Variants in SLC25A21 observed in about 807,000 individuals in gnomAD.
The protein encoded by SLC25A21 is mitochondrial 2-oxodicarboxylate carrier.
A neutral mutation model predicts 43.8 loss-of-function variants in SLC25A21; 47 were observed. The observed-to-expected ratio is 1.07, with a 90% confidence interval of 0.85 to 1.37. The LOEUF (loss-of-function observed/expected upper bound fraction) is 1.37, where lower values mean the gene tolerates loss of function less well. Among genes scored for constraint, SLC25A21 ranks in the 40% most tolerant of loss-of-function variants. The pLI, the probability that SLC25A21 is intolerant of heterozygous loss-of-function variation, is 0.00. For synonymous variants in SLC25A21, 131 were observed against 121.3 expected (o/e 1.08, Z -0.52); for missense variants, 352 against 350.2 (o/e 1.00, Z -0.04).
intron 3 of SLC25A21, among the ~76,000 whole-genome samples, chr14:36,770,826 C>A (rs1393695929): frequency 6.6e-6 from 1 of 152,178 alleles, no homozygotes; most frequent in African/African-American, 2.4e-5. Flanking sequence ...TGTGTATAAT[C>A]AGTCTTAAAA....
chr14:36,714,816 C>T (rs1884053674), intron 6 of SLC25A21, among the ~76,000 whole-genome samples: 1 of 152,152 alleles, frequency 6.6e-6, no homozygotes, highest in Non-Finnish European at 1.5e-5. Context: ...AAGTTACTCA[C>T]CCAAGATTAC....
intron 7 of SLC25A21, among the ~76,000 whole-genome samples, chr14:36,710,440 GAA>G (rs1193618492): frequency 1.3e-4 from 19 of 151,796 alleles, no homozygotes; most frequent in Middle Eastern, 3.4e-3. Context: ...AAGAAAGAAA[GAA>G]AAAGAAAGAA....
chr14:36,870,930 G>T (rs537756702), intron 2 of SLC25A21: 1 of 152,264 alleles, frequency 6.6e-6, no homozygotes, highest in East Asian at 1.9e-4. Flanking sequence ...GGTTGTTTAG[G>T]TGTGGTCAAG....
intron 1 of SLC25A21, among the ~76,000 whole-genome samples, chr14:37,101,494 T>C (rs1962816273): frequency 6.6e-6 from 1 of 152,166 alleles, no homozygotes; most frequent in African/African-American, 2.4e-5. Context: ...ACTCAGATAT[T>C]TTTTATAGTA....
At chr14:37,056,307 A>G (rs6571774) in intron 1 of SLC25A21, among the ~76,000 whole-genome samples, 73,604 of 151,592 alleles carry the variant, frequency 0.49, 20,871 homozygotes, top group African/African-American at 0.8. Flanking sequence ...TGGCTAACAC[A>G]GTGAAACCCC....
At chr14:36,925,555 CAG>C (rs1348933337) in intron 1 of SLC25A21, among the ~76,000 whole-genome samples, 2 of 152,084 alleles carry the variant, frequency 1.3e-5, no homozygotes, top group African/African-American at 4.8e-5. Context: ...CACCTAATAA[CAG>C]AGCTTCTGGC....
In SLC25A21 at chr14:36,679,713, T is replaced by C. The variant is rs1435847931; in HGVS notation, c.*945A>G. 1 of 985,314 alleles carries C rather than the reference T, an allele frequency of 1.0e-6. No homozygotes were observed. The highest frequency in any genetic ancestry group is 1.2e-6 in the Non-Finnish European group (1 of 829,924). The allele number at this position is 985,314 out of a possible 1,614,324, so 61.0% of individuals were successfully genotyped here. A position where few individuals can be genotyped will look rare whatever the true frequency, so the allele number is the denominator to read the frequency against. ...CTAATAACCTGAAAATGCAGTTCTG[T>C]TCTATACATTCTTCCTAAAAATGGC... is the stretch of plus-strand genomic sequence containing the variant. On this transcript the variant is annotated 3_prime_UTR_variant, in exon 10 of 10. Coordinates refer to ENST00000331299, the MANE Select transcript of SLC25A21 (RefSeq NM_030631.4).
At chr14:37,084,651 A>G (rs1962449950) in intron 1 of SLC25A21, among the ~76,000 whole-genome samples, 1 of 152,258 alleles carries the variant, frequency 6.6e-6, no homozygotes, top group Non-Finnish European at 1.5e-5. Context: ...TCGGTCCCCA[A>G]CAGACACAGT....
chr14:36,774,075 T>C (rs537061739), intron 3 of SLC25A21, among the ~76,000 whole-genome samples: 3 of 152,322 alleles, frequency 2.0e-5, no homozygotes, highest in African/African-American at 7.2e-5. Context: ...TGGAGGGAAC[T>C]TCTAGGAGTG....
intron 7 of SLC25A21, among the ~76,000 whole-genome samples, chr14:36,708,753 T>G (rs943490989): frequency 4.0e-5 from 6 of 149,602 alleles, no homozygotes; most frequent in Non-Finnish European, 8.9e-5. Flanking sequence ...AGTTTTTTTT[T>G]TTTTTTTTTT....
At chr14:36,734,729 T>C (rs1033093163) in intron 3 of SLC25A21, among the ~76,000 whole-genome samples, 156 bp from the exon 4 acceptor site, 2 of 152,188 alleles carry the variant, frequency 1.3e-5, no homozygotes, top group African/African-American at 4.8e-5. Context: ...ATAAATTTTA[T>C]GTCTATTAGC....
At chr14:36,750,684 C>CCTAA (rs1885673228) in intron 3 of SLC25A21, among the ~76,000 whole-genome samples, 1 of 152,002 alleles carries the variant, frequency 6.6e-6, no homozygotes, top group African/African-American at 2.4e-5. Context: ...TAACACCACC[C>CCTAA]CTAACTTCAC....
At chr14:36,682,180 T>TC (rs1028937442) in intron 9 of SLC25A21, among the ~76,000 whole-genome samples, 2 of 151,648 alleles carry the variant, frequency 1.3e-5, no homozygotes, top group African/African-American at 2.4e-5. Flanking sequence ...CTTTTTTTTT[T>TC]TCTCTCTCTC....
chr14:37,035,342 A>C (rs2138774735), intron 1 of SLC25A21, among the ~76,000 whole-genome samples: 1 of 152,312 alleles, frequency 6.6e-6, no homozygotes, highest in South Asian at 2.1e-4. Flanking sequence ...TTTTATTATT[A>C]TCAGTTTTAA....
intron 2 of SLC25A21, among the ~76,000 whole-genome samples, chr14:36,826,239 G>A (rs1049423332): frequency 6.6e-5 from 10 of 152,168 alleles, no homozygotes; most frequent in African/African-American, 2.4e-4. Flanking sequence ...GGAGCCCAAT[G>A]TAGCATTTTT....
intron 1 of SLC25A21, among the ~76,000 whole-genome samples, chr14:36,900,464 C>G (rs1438233470): frequency 6.6e-6 from 1 of 152,136 alleles, no homozygotes; most frequent in Non-Finnish European, 1.5e-5. Flanking sequence ...TCAAATGACA[C>G]TTTTGCTGCT....
At chr14:37,083,083 T>C (rs896870149) in intron 1 of SLC25A21, among the ~76,000 whole-genome samples, 2 of 152,200 alleles carry the variant, frequency 1.3e-5, no homozygotes, top group African/African-American at 2.4e-5. Flanking sequence ...ATAAATCAAA[T>C]TGTTCACAGC....
At chr14:36,770,825 T>A (rs1434612165) in intron 3 of SLC25A21, among the ~76,000 whole-genome samples, 1 of 152,206 alleles carries the variant, frequency 6.6e-6, no homozygotes, top group Non-Finnish European at 1.5e-5. Flanking sequence ...ATGTGTATAA[T>A]CAGTCTTAAA....
intron 3 of SLC25A21, among the ~76,000 whole-genome samples, chr14:36,809,478 T>C (rs998386095): frequency 1.3e-5 from 2 of 152,148 alleles, no homozygotes; most frequent in East Asian, 1.9e-4. Context: ...TCATAAGACA[T>C]GGTTTTTATT....
Sources: gnomAD v4.1 joint callset for allele counts (sites outside exome capture counted in the v4.1 genomes callset) on GRCh38, gnomAD v4.1.1 for gene constraint, MANE v1.5 for transcripts, NCBI Gene and HGNC (gene_info 2026-07-23, HGNC 2026-07-21) for gene names.